Variants in SLC35F4 observed in about 807,000 individuals in gnomAD.
SLC35F4 encodes the protein chromosome 14 open reading frame 36.
In SLC35F4, 24 loss-of-function variants were observed where a neutral mutation model predicts 44.2. The ratio of observed to expected loss-of-function variants is 0.54; its 90% CI spans 0.39 to 0.76. SLC35F4 has a LOEUF of 0.76. SLC35F4 is among the 30% of genes least tolerant of loss of function. The pLI is 0.00. For missense variants in SLC35F4, 562 were observed against 586.1 expected, an observed-to-expected ratio of 0.96 and a Z score of 0.42; for synonymous variants, 238 against 223.6, an observed-to-expected ratio of 1.06 and a Z score of -0.57.
chr14:57,720,391 G>A (rs987678952), intron 1 of SLC35F4, among the ~76,000 whole-genome samples: 2 of 152,190 alleles, frequency 1.3e-5, no homozygotes, highest in Non-Finnish European at 2.9e-5. Context: ...TTTCAGAACT[G>A]TTTGAGTAGG....
chr14:57,615,159 A>G (rs1284002700), intron 1 of SLC35F4, among the ~76,000 whole-genome samples: 1 of 152,098 alleles, frequency 6.6e-6, no homozygotes, highest in Non-Finnish European at 1.5e-5. Context: ...ATGATTCTTC[A>G]CTCTCACCTC....
intron 1 of SLC35F4, among the ~76,000 whole-genome samples, chr14:57,929,261 T>C (rs1889645284): frequency 6.6e-6 from 1 of 152,146 alleles, no homozygotes; most frequent in African/African-American, 2.4e-5. Context: ...GGTGAAATAA[T>C]AAATGAAAGA....
upstream of SLC35F4, among the ~76,000 whole-genome samples, chr14:57,870,210 C>G (rs1449487784): frequency 1.3e-5 from 2 of 151,536 alleles, no homozygotes; most frequent in East Asian, 3.9e-4. Context: ...CTGTCTTTGT[C>G]TCTCTGAGTC....
At chr14:57,746,296 A>G (rs1332563804) in intron 1 of SLC35F4, among the ~76,000 whole-genome samples, 2 of 152,206 alleles carry the variant, frequency 1.3e-5, no homozygotes, top group Non-Finnish European at 2.9e-5. Context: ...TAGTGTTAAC[A>G]GGTTGAGAAA....
chr14:57,736,827 T>C lies in SLC35F4; in HGVS notation c.103+128896A>G, dbSNP rs534273916. Reference sequence around the variant, plus strand: ...ACCAGTGAGGCATTTTAAGAGATTATAGTGCAAATGGGAACTTACCCTAAG... The same window carrying C: ...ACCAGTGAGGCATTTTAAGAGATTACAGTGCAAATGGGAACTTACCCTAAG... On this transcript the variant is annotated intron_variant, in intron 1 of 7. Coordinates refer to ENST00000556826, the MANE Select transcript of SLC35F4 (RefSeq NM_001306087.2). Among the ~76,000 whole-genome samples the C allele has an allele frequency of 1.2e-4, 19 of 152,358 alleles. No homozygotes were observed. The East Asian group carries it at 3.5e-3, about 28-fold the overall frequency.
At chr14:57,639,999 C>A (rs370137513) in intron 1 of SLC35F4, among the ~76,000 whole-genome samples, 1 of 151,982 alleles carries the variant, frequency 6.6e-6, no homozygotes, top group Non-Finnish European at 1.5e-5. Context: ...AAGACCTCCC[C>A]CTTTTTCTAT....
upstream of SLC35F4, among the ~76,000 whole-genome samples, chr14:57,871,077 G>C (rs1888288560): frequency 6.6e-6 from 1 of 152,216 alleles, no homozygotes; most frequent in Non-Finnish European, 1.5e-5. Flanking sequence ...TGGTGAAGTG[G>C]AGCAGCCTCA....
chr14:57,923,706 A>C (rs1194986533), intron 1 of SLC35F4, among the ~76,000 whole-genome samples: 1 of 152,154 alleles, frequency 6.6e-6, no homozygotes, highest in Admixed American at 6.5e-5. Flanking sequence ...TTAGATCTTT[A>C]GAAAGGATCT....
At chr14:57,744,669 T>A (rs899279179) in intron 1 of SLC35F4, among the ~76,000 whole-genome samples, 1 of 152,196 alleles carries the variant, frequency 6.6e-6, no homozygotes, top group African/African-American at 2.4e-5. Flanking sequence ...ATTTACAGAT[T>A]CAATGCCATC....
chr14:57,896,788 T>C (rs1888880554), intron 1 of SLC35F4, among the ~76,000 whole-genome samples: 1 of 152,136 alleles, frequency 6.6e-6, no homozygotes, highest in African/African-American at 2.4e-5. Flanking sequence ...CAACAAATGT[T>C]TGTTTATGAT....
chr14:57,607,810 G>A (rs1455632774), intron 1 of SLC35F4, among the ~76,000 whole-genome samples: 1 of 152,198 alleles, frequency 6.6e-6, no homozygotes, highest in African/African-American at 2.4e-5. Context: ...GCCTTGAAGA[G>A]GTGGCAGCAG....
chr14:57,793,875 T>C (rs779582698), intron 1 of SLC35F4, among the ~76,000 whole-genome samples: 2 of 152,022 alleles, frequency 1.3e-5, no homozygotes, highest in South Asian at 2.1e-4. Flanking sequence ...CATAGACCAA[T>C]AGAACAGAAT....
At chr14:57,978,561 A>G (rs1457814422) in intron 1 of SLC35F4, among the ~76,000 whole-genome samples, 1 of 152,210 alleles carries the variant, frequency 6.6e-6, no homozygotes, top group Non-Finnish European at 1.5e-5. Context: ...GGCTTGTTAA[A>G]GGCTCAGCTG....
intron 3 of SLC35F4, among the ~76,000 whole-genome samples, chr14:57,582,821 AAT>A (rs2069386966): frequency 6.6e-6 from 1 of 152,204 alleles, no homozygotes; most frequent in African/African-American, 2.4e-5. Flanking sequence ...AATTCTAGCC[AAT>A]GTTTGCCTCA....
intron 1 of SLC35F4, among the ~76,000 whole-genome samples, chr14:57,820,554 T>G (rs1380653789): frequency 6.6e-6 from 1 of 152,214 alleles, no homozygotes; most frequent in Non-Finnish European, 1.5e-5. Flanking sequence ...AATGTTTTCT[T>G]CTTAACTTCA....
intron 1 of SLC35F4, among the ~76,000 whole-genome samples, chr14:57,880,372 G>T (rs1446894909): frequency 6.6e-6 from 1 of 152,072 alleles, no homozygotes; most frequent in East Asian, 1.9e-4. Flanking sequence ...ATATTCCAGT[G>T]GTCCCCTGGC....
chr14:57,782,938 C>T (rs1431268412), intron 1 of SLC35F4, among the ~76,000 whole-genome samples: 4 of 151,894 alleles, frequency 2.6e-5, no homozygotes, highest in Admixed American at 6.6e-5. Flanking sequence ...CTGTGGTTGC[C>T]GGCTATCTCA....
At chr14:57,800,525 T>C (rs2078166049) in intron 1 of SLC35F4, among the ~76,000 whole-genome samples, 1 of 152,092 alleles carries the variant, frequency 6.6e-6, no homozygotes, top group South Asian at 2.1e-4. Flanking sequence ...GATGGCTGAA[T>C]TGACAGAAGT....
chr14:57,903,830 T>TTTAAAGGTCG, intron 1 of SLC35F4, among the ~76,000 whole-genome samples: 1 of 152,208 alleles, frequency 6.6e-6, no homozygotes, highest in Admixed American at 6.5e-5. Flanking sequence ...TAACAGGTCG[T>TTTAAAGGTCG]TTAAAACTCA....
Sources: gnomAD v4.1 joint callset for allele counts (sites outside exome capture counted in the v4.1 genomes callset) on GRCh38, gnomAD v4.1.1 for gene constraint, MANE v1.5 for transcripts, NCBI Gene and HGNC (gene_info 2026-07-23, HGNC 2026-07-21) for gene names.